The following PLXNA2 variants were observed in gnomAD, a reference collection of about 807,000 sequenced individuals.
PLXNA2 encodes plexin-A2.
In PLXNA2, 91 loss-of-function variants were observed where a neutral mutation model predicts 193.5. The ratio of observed to expected loss-of-function variants is 0.47; its 90% CI spans 0.40 to 0.56. PLXNA2 has a LOEUF of 0.56. Among genes scored for constraint, PLXNA2 ranks in the 20% least tolerant of loss-of-function variants. The pLI, the probability that PLXNA2 is intolerant of heterozygous loss-of-function variation, is 0.00. For synonymous variants in PLXNA2, 997 were observed against 1,027.3 expected (o/e 0.97, Z 0.56); for missense variants, 1,995 against 2,503.2 (o/e 0.80, Z 4.33).
At chr1:208,197,485 G>C (rs1435573010) in intron 3 of PLXNA2, among the ~76,000 whole-genome samples, 1 of 152,218 alleles carries the variant, frequency 6.6e-6, no homozygotes, top group African/African-American at 2.4e-5. Flanking sequence ...ACATGAAAGA[G>C]AGCTAACCCT....
At chr1:208,086,753 A>G (rs1483246090) in intron 9 of PLXNA2, among the ~76,000 whole-genome samples, 1 of 145,924 alleles carries the variant, frequency 6.9e-6, no homozygotes, top group Non-Finnish European at 1.5e-5. Context: ...CATTCCCTGC[A>G]GGCACTCTTG....
intron 4 of PLXNA2, among the ~76,000 whole-genome samples, chr1:208,125,563 T>C (rs1667948980): frequency 6.6e-6 from 1 of 152,210 alleles, no homozygotes; most frequent in East Asian, 1.9e-4. Context: ...CAATTTGCAC[T>C]AGGAGCATAC....
At chr1:208,196,387 G>T (rs1320622048) in intron 3 of PLXNA2, among the ~76,000 whole-genome samples, 2 of 152,182 alleles carry the variant, frequency 1.3e-5, no homozygotes, top group African/African-American at 4.8e-5. Context: ...TTGACCATTA[G>T]CCAATTACTT....
intron 12 of PLXNA2, among the ~76,000 whole-genome samples, chr1:208,073,319 G>T (rs1666032243): frequency 1.3e-5 from 2 of 152,180 alleles, no homozygotes; most frequent in South Asian, 4.1e-4. Flanking sequence ...AGAGGGTGGA[G>T]ATTAGAAGTC....
intron 13 of PLXNA2, 125 bp downstream of exon 13, chr1:208,060,561 A>G: frequency 1.1e-6 from 1 of 951,242 alleles, no homozygotes; most frequent in Non-Finnish European, 1.5e-6. Flanking sequence ...CTTCTGGGGC[A>G]GGTCCATGGG....
intron 2 of PLXNA2, among the ~76,000 whole-genome samples, chr1:208,216,349 C>G (rs983150450): frequency 6.6e-6 from 1 of 152,186 alleles, no homozygotes; most frequent in Non-Finnish European, 1.5e-5. Context: ...TTATTTTTCT[C>G]TATAGCCATT....
rs1666760795 is a variant in PLXNA2, at chr1:208,092,865, T to C, written c.2018A>G (p.His673Arg). ...LSCVNSAFRC[H>R]WCKYRNLCTH... is the part of the protein sequence containing the mutation. ...GCAGAGGTTGCGGTACTTGCACCAA[T>C]GGCAGCGGAAGGCGCTGTTGACACA... The change falls in exon 9 of 32, where the codon CAT becomes CGT. Residue 673 changes from histidine (H) to arginine (R), a missense_variant. Transcript: ENST00000367033. 3 of 1,613,966 alleles carry C rather than the reference T, an allele frequency of 1.9e-6. No individual in the cohort carries two copies. Among genetic ancestry groups the C allele is most frequent in the East Asian group, 2.2e-5 (1 of 44,864 alleles).
intron 13 of PLXNA2, 118 bp downstream of exon 13, chr1:208,060,568 T>C (rs1455825290): frequency 4.8e-6 from 5 of 1,046,262 alleles, no homozygotes; most frequent in South Asian, 1.7e-5. Flanking sequence ...GGCAGGTCCA[T>C]GGGAGGAGAA....
chr1:208,102,482 G>A (rs1365988346), intron 5 of PLXNA2, among the ~76,000 whole-genome samples: 1 of 152,218 alleles, frequency 6.6e-6, no homozygotes, highest in African/African-American at 2.4e-5. Flanking sequence ...GGCAGATCAT[G>A]AGGCCAGTTG....
chr1:208,031,171 A>G, intron 29 of PLXNA2: 4 of 1,005,730 alleles, frequency 4.0e-6, no homozygotes, highest in South Asian at 8.3e-5. Flanking sequence ...CATCTCAGGA[A>G]GTGCCTTAGA....
At chr1:208,211,319 G>A (rs985224082) in intron 2 of PLXNA2, among the ~76,000 whole-genome samples, 3 of 152,192 alleles carry the variant, frequency 2.0e-5, no homozygotes, top group Non-Finnish European at 2.9e-5. Flanking sequence ...AGCCTTTAAG[G>A]AGAGTGGTGG....
At chr1:208,223,716 G>T (rs1321072493) in intron 1 of PLXNA2, among the ~76,000 whole-genome samples, 1 of 152,218 alleles carries the variant, frequency 6.6e-6, no homozygotes, top group Non-Finnish European at 1.5e-5. Flanking sequence ...GGACAGGTCA[G>T]ATTTAGTCTA....
At position 208,060,806 on chromosome 1, in the gene PLXNA2, C is replaced by A; in HGVS notation, c.2618G>T (p.Gly873Val). ...ILTVSGPPEGGTRVTIHGVNL... is the reference protein window; with the variant it reads ...ILTVSGPPEGVTRVTIHGVNL... ...CACGCCATGGATGGTCACTCGCGTC[C>A]CTCCTTCCGGCGGTCCAGACACCGT... Residue 873 changes from glycine to valine, a missense_variant, in exon 13 of 32, where the codon GGG becomes GTG. Physicochemically the swap from Gly to Val is moderately radical, Grantham distance 109 (BLOSUM62 -3). Coordinates refer to ENST00000367033, the MANE Select transcript of PLXNA2 (RefSeq NM_025179.4). 6.2e-7 allele frequency: 1 copy of A among 1,614,046 alleles called. No homozygotes were observed. The highest frequency in any genetic ancestry group is 8.5e-7 in the Non-Finnish European group (1 of 1,179,998).
rs778680894 is a variant in PLXNA2 at position 208,031,562 on chromosome 1, C to T, written c.5225+28G>A. On this transcript the variant is annotated intron_variant, in intron 29 of 31. Transcript: ENST00000367033. ...TAGCTCCAGGCCTCTCCAGGCTGCA[C>T]CTCCTGCTGAGCTCCCCGAGGGTTT... The T allele has an allele frequency of 3.1e-6, 5 of 1,613,566 alleles. No individual in the cohort carries two copies. In the African/African-American group the frequency reaches 4.0e-5, roughly 13 times the overall value.
chr1:208,044,759 T>G lies in PLXNA2; in HGVS notation c.3640-17A>C. ...CACGTGAACCTGTGCATTGTACACA[T>G]ACAGACGCACATGGATGCACACAGG... On this transcript the variant is annotated splice_polypyrimidine_tract_variant and intron_variant, in intron 19 of 31. Coordinates refer to ENST00000367033, the MANE Select transcript of PLXNA2 (RefSeq NM_025179.4). This position sits in a 1 kb window ranked among gnomAD's most constrained non-coding sequence, Gnocchi z 4.9. 6.3e-7 allele frequency: 1 copy of G among 1,585,930 alleles called. No individual in the cohort carries two copies. Among genetic ancestry groups the G allele is most frequent in the Non-Finnish European group, 8.6e-7 (1 of 1,156,862 alleles).
intron 4 of PLXNA2, among the ~76,000 whole-genome samples, chr1:208,128,728 GTC>G (rs1238515835): frequency 1.7e-5 from 2 of 117,794 alleles, no homozygotes; most frequent in East Asian, 5.1e-4. Flanking sequence ...TTGGGATGGA[GTC>G]TCTCTCTGTC....
At chr1:208,117,775 T>G (rs538286568) in intron 4 of PLXNA2, among the ~76,000 whole-genome samples, 1 of 152,082 alleles carries the variant, frequency 6.6e-6, no homozygotes, top group Admixed American at 6.5e-5. Flanking sequence ...GTGGATCCAT[T>G]TGGGGGAAAG....
In PLXNA2 at chr1:208,217,139, T is replaced by A; in HGVS notation, c.784A>T (p.Thr262Ser). ...FVYFLTVQPETPEGVAINSAG... is the reference protein window; with the variant it reads ...FVYFLTVQPESPEGVAINSAG... Reference sequence around the variant, plus strand: ...GAGTTGATGGCCACACCCTCAGGGGTCTCGGGCTGGACAGTGAGAAAGTAG... The same window carrying A: ...GAGTTGATGGCCACACCCTCAGGGGACTCGGGCTGGACAGTGAGAAAGTAG... The change falls in exon 2 of 32, where the codon ACC becomes TCC. Residue 262 changes from threonine (T) to serine (S), a missense_variant. This residue lies in a region of PLXNA2 where 702 missense variants were observed against 812.9 expected (regional missense o/e 0.86). Coordinates refer to ENST00000367033, the MANE Select transcript of PLXNA2 (RefSeq NM_025179.4). This position sits in a 1 kb window ranked among gnomAD's most constrained non-coding sequence, Gnocchi z 4.7. 2 of 1,613,874 alleles carry A rather than the reference T, an allele frequency of 1.2e-6. No individual in the cohort carries two copies. The highest frequency in any genetic ancestry group is 1.7e-6 in the Non-Finnish European group (2 of 1,179,978).
intron 4 of PLXNA2, among the ~76,000 whole-genome samples, chr1:208,108,945 G>A (rs1210301277): frequency 6.6e-6 from 1 of 152,190 alleles, no homozygotes; most frequent in Admixed American, 6.5e-5. Context: ...GGGATGAAAG[G>A]AACAAGGGAA....
Sources: allele counts gnomAD v4.1 joint callset (sites outside exome capture counted in the v4.1 genomes callset), GRCh38; gene constraint gnomAD v4.1.1; regional missense constraint gnomAD v4.1.1; non-coding constraint Gnocchi (gnomAD v3.1); transcripts MANE v1.5; gene names NCBI Gene and HGNC (gene_info 2026-07-23, HGNC 2026-07-21).